Variants in VSTM2L observed in about 807,000 individuals in gnomAD.
VSTM2L encodes V-set and transmembrane domain containing 2 like.
Under a neutral mutation model 19.9 loss-of-function variants are expected in VSTM2L, and 9 were observed. The ratio of observed to expected loss-of-function variants is 0.45; its 90% CI spans 0.27 to 0.79. The LOEUF (loss-of-function observed/expected upper bound fraction) is 0.79. Among genes scored for constraint, VSTM2L ranks in the 30% least tolerant of loss-of-function variants. The pLI is 0.15. For missense variants in VSTM2L, 286 were observed against 295.5 expected (o/e 0.97, Z 0.24); for synonymous variants, 127 against 133.8 (o/e 0.95, Z 0.35).
chr20:37,936,324 C>G (rs2072940171), intron 3 of VSTM2L, among the ~76,000 whole-genome samples: 1 of 152,184 alleles, frequency 6.6e-6, no homozygotes, highest in Non-Finnish European at 1.5e-5. Context: ...AGGCAGGGAC[C>G]TAGGCCCCAT....
rs774419997 is a variant in VSTM2L at position 37,931,782 on chromosome 20, A to C, written c.269A>C (p.Lys90Thr). The C allele has an allele frequency of 6.2e-7, 1 of 1,613,774 alleles. No homozygotes were observed. Among genetic ancestry groups the C allele is most frequent in the African/African-American group, 1.3e-5 (1 of 74,940 alleles). Reference sequence around the variant, plus strand: ...CGGAGCCACCGGGACTGGACCGACAAGCAGGCGTGGGCCTCGAACCAGGTA... The same window carrying C: ...CGGAGCCACCGGGACTGGACCGACACGCAGGCGTGGGCCTCGAACCAGGTA... ...YVRSHRDWTD[K>T]QAWASNQLKA... The change falls in exon 2 of 4, where the codon AAG becomes ACG. Residue 90 changes from lysine (K) to threonine (T), a missense_variant. Transcript: ENST00000373461.
intron 3 of VSTM2L, 148 bp from the exon 4 acceptor site, chr20:37,943,833 C>T (rs1251375236): frequency 1.4e-5 from 11 of 787,412 alleles, no homozygotes; most frequent in Non-Finnish European, 1.5e-5. Flanking sequence ...TGCTATTTAA[C>T]TCACTCTTGT....
chr20:37,941,421 T>C (rs2072971172), intron 3 of VSTM2L, among the ~76,000 whole-genome samples: 1 of 151,640 alleles, frequency 6.6e-6, no homozygotes, highest in African/African-American at 2.4e-5. Context: ...TCAGCAAGAG[T>C]TTCCCATTGG....
intron 3 of VSTM2L, among the ~76,000 whole-genome samples, chr20:37,938,715 C>T (rs530491746): frequency 7.2e-5 from 11 of 152,336 alleles, no homozygotes; most frequent in East Asian, 1.9e-4. Context: ...GATGCCTGTG[C>T]GGAGGTGATT....
At chr20:37,938,049 A>T in intron 3 of VSTM2L, among the ~76,000 whole-genome samples, 1 of 152,106 alleles carries the variant, frequency 6.6e-6, no homozygotes, top group East Asian at 1.9e-4. Context: ...ATTTTGAAAA[A>T]ATTGGTCTGG....
rs771987598 is a variant in VSTM2L, at chr20:37,933,589, T to C, written c.342T>C (p.Ser114=). The part of the protein sequence containing the change: ...EDAGKEATKI[S]VVKVVGSNIS... ...CAGGGAAGGAGGCAACCAAAATAAG[T>C]GTGAGTTTTGATAATGACTTCTCGA... Residue 114 remains serine (S), a splice_region_variant and synonymous_variant, in exon 3 of 4, where the codon AGT becomes AGC. Coordinates refer to ENST00000373461, the MANE Select transcript of VSTM2L (RefSeq NM_080607.3). The C allele has an allele frequency of 2.5e-6, 4 of 1,609,904 alleles. No individual in the cohort carries two copies. The highest frequency in any genetic ancestry group is 1.4e-5 in the African/African-American group (1 of 73,280).
At chr20:37,925,520 C>T (rs1040828752) in intron 1 of VSTM2L, among the ~76,000 whole-genome samples, 7 of 152,128 alleles carry the variant, frequency 4.6e-5, no homozygotes, top group Non-Finnish European at 8.8e-5. Context: ...CTTCTCCCTC[C>T]GGGGCAGCTT....
intron 1 of VSTM2L, among the ~76,000 whole-genome samples, chr20:37,911,743 G>A (rs1479271798): frequency 6.6e-6 from 1 of 152,184 alleles, no homozygotes; most frequent in African/African-American, 2.4e-5. Flanking sequence ...GCCTTGCTGG[G>A]TGACTTGGCA....
chr20:37,937,931 A>G (rs2072949619), intron 3 of VSTM2L, among the ~76,000 whole-genome samples: 1 of 152,140 alleles, frequency 6.6e-6, no homozygotes, highest in Non-Finnish European at 1.5e-5. Context: ...GGGTGTGTGC[A>G]CTGGAGGAAT....
At chr20:37,914,440 T>TATATGTGTGTAGGG (rs1215549492) in intron 1 of VSTM2L, among the ~76,000 whole-genome samples, 5 of 150,852 alleles carry the variant, frequency 3.3e-5, no homozygotes, top group East Asian at 1.9e-4. Context: ...ATTGTGTGTA[T>TATATGTGTGTAGGG]GTGTATGTGT....
At chr20:37,926,373 C>A (rs959442633) in intron 1 of VSTM2L, among the ~76,000 whole-genome samples, 1 of 152,014 alleles carries the variant, frequency 6.6e-6, no homozygotes, top group Non-Finnish European at 1.5e-5. Context: ...CGGGACTGAG[C>A]CTTTTTAAGA....
At position 37,919,931 on chromosome 20, in the gene VSTM2L, A is replaced by T. The variant is rs545264804; in HGVS notation, c.122-11704A>T. 1.2e-3 allele frequency among the ~76,000 whole-genome samples: 182 copies of T among 152,226 alleles called. 1 individual carries two copies. Among genetic ancestry groups the T allele is most frequent in the African/African-American group, 4.2e-3 (176 of 41,528 alleles). Reference sequence around the variant, plus strand: ...TAATAGTACCATCTCATCAAGTCTGAGAGGATGAAAGGGGTCCTGTGTACA... The same window carrying T: ...TAATAGTACCATCTCATCAAGTCTGTGAGGATGAAAGGGGTCCTGTGTACA... On this transcript the variant is annotated intron_variant, in intron 1 of 3. Coordinates refer to ENST00000373461, the MANE Select transcript of VSTM2L (RefSeq NM_080607.3).
intron 3 of VSTM2L, among the ~76,000 whole-genome samples, chr20:37,937,535 T>C (rs561229988): frequency 3.7e-4 from 56 of 152,314 alleles, no homozygotes; most frequent in African/African-American, 1.3e-3. Flanking sequence ...CCTTAACCAG[T>C]TTTGCAAACC....
intron 1 of VSTM2L, among the ~76,000 whole-genome samples, chr20:37,928,387 A>G (rs1189464164): frequency 2.0e-5 from 3 of 152,180 alleles, no homozygotes; most frequent in Admixed American, 6.5e-5. Flanking sequence ...CAGGACTCTC[A>G]GGCAGGGTCC....
At chr20:37,911,890 GTA>G (rs2072781810) in intron 1 of VSTM2L, among the ~76,000 whole-genome samples, 1 of 139,954 alleles carries the variant, frequency 7.1e-6, no homozygotes, top group Non-Finnish European at 1.6e-5. Flanking sequence ...GTATGTGCGT[GTA>G]TGTGTGTGTG....
intron 2 of VSTM2L, among the ~76,000 whole-genome samples, chr20:37,932,991 G>A (rs1034954190): frequency 6.6e-6 from 1 of 152,222 alleles, no homozygotes; most frequent in African/African-American, 2.4e-5. Flanking sequence ...GACACTTCCA[G>A]CCCTGCCACA....
chr20:37,934,568 A>G (rs1159754124), intron 3 of VSTM2L, among the ~76,000 whole-genome samples: 5 of 152,110 alleles, frequency 3.3e-5, no homozygotes, highest in Non-Finnish European at 7.4e-5. Flanking sequence ...CATGGCGGGG[A>G]AACCTTTCTA....
At chr20:37,904,650 G>A (rs1208269698) in intron 1 of VSTM2L, among the ~76,000 whole-genome samples, 1 of 152,234 alleles carries the variant, frequency 6.6e-6, no homozygotes, top group Non-Finnish European at 1.5e-5. Context: ...CCAGTGCTGG[G>A]CACTGTGGGC....
At chr20:37,919,064 C>G (rs1402963618) in intron 1 of VSTM2L, among the ~76,000 whole-genome samples, 1 of 152,170 alleles carries the variant, frequency 6.6e-6, no homozygotes, top group Admixed American at 6.5e-5. Context: ...TCCCTGAGGG[C>G]AGGGGCCTGA....
Sources: gnomAD v4.1 joint callset for allele counts (sites outside exome capture counted in the v4.1 genomes callset) on GRCh38, gnomAD v4.1.1 for gene constraint, MANE v1.5 for transcripts, NCBI Gene and HGNC (gene_info 2026-07-23, HGNC 2026-07-21) for gene names.